Variants in ATPSCKMT observed in about 807,000 individuals in gnomAD.
The protein encoded by ATPSCKMT is ATP synthase subunit C lysine N-methyltransferase.
Under a neutral mutation model 24.3 loss-of-function variants are expected in ATPSCKMT, and 24 were observed. The observed-to-expected ratio is 0.99, with a 90% confidence interval of 0.71 to 1.39. The LOEUF is 1.39. ATPSCKMT is among the 40% of genes most tolerant of loss of function. The pLI, the probability that ATPSCKMT is intolerant of heterozygous loss-of-function variation, is 0.00. For synonymous variants in ATPSCKMT, 95 were observed against 110.5 expected (o/e 0.86, Z 0.88); for missense variants, 311 against 298.4 (o/e 1.04, Z -0.31).
At chr5:10,242,167 T>C (rs1213596023) in intron 1 of ATPSCKMT, among the ~76,000 whole-genome samples, 2 of 152,194 alleles carry the variant, frequency 1.3e-5, no homozygotes, top group South Asian at 2.1e-4. Flanking sequence ...GCTGTATTGA[T>C]AGACTCTTCC....
chr5:10,244,104 G>A (rs1271518565), intron 1 of ATPSCKMT, among the ~76,000 whole-genome samples: 2 of 152,174 alleles, frequency 1.3e-5, no homozygotes, highest in East Asian at 3.9e-4. Flanking sequence ...AGGGCCCAAG[G>A]AGATGGAGAG....
At chr5:10,235,135 G>A in intron 4 of ATPSCKMT, 76 bp downstream of exon 4, 1 of 1,346,204 alleles carries the variant, frequency 7.4e-7, no homozygotes, top group Non-Finnish European at 1.1e-6. Flanking sequence ...TCACACGGGT[G>A]AGTGGTGGTG....
chr5:10,234,354 C>A (rs1461684191), intron 4 of ATPSCKMT, among the ~76,000 whole-genome samples: 1 of 151,940 alleles, frequency 6.6e-6, no homozygotes, highest in Non-Finnish European at 1.5e-5. Context: ...TTTACAAAAG[C>A]ATTTCTAAAT....
chr5:10,247,023 A>C (rs148082515), intron 1 of ATPSCKMT, among the ~76,000 whole-genome samples: 1 of 152,224 alleles, frequency 6.6e-6, no homozygotes, highest in Non-Finnish European at 1.5e-5. Context: ...AGAGTGAGAG[A>C]CAAACAGGAA....
intron 3 of ATPSCKMT, chr5:10,236,263 G>A (rs1281020915): frequency 2.5e-6 from 1 of 407,564 alleles, no homozygotes; most frequent in Non-Finnish European, 4.2e-6. Context: ...TAAATTCTTG[G>A]AATTCACAAG....
At chr5:10,234,460 G>A (rs1744286875) in intron 4 of ATPSCKMT, among the ~76,000 whole-genome samples, 1 of 152,028 alleles carries the variant, frequency 6.6e-6, no homozygotes, top group Non-Finnish European at 1.5e-5. Flanking sequence ...AAAAATTTGG[G>A]TATTAATTAA....
At position 10,227,630 on chromosome 5, in the gene ATPSCKMT, C is replaced by A; in HGVS notation, c.513G>T (p.Lys171Asn). 1 of 1,614,212 alleles carries A rather than the reference C, an allele frequency of 6.2e-7. No individual in the cohort carries two copies. Among genetic ancestry groups the A allele is most frequent in the Non-Finnish European group, 8.5e-7 (1 of 1,180,044 alleles). ...CATCCTCAAGTTCACGTTCAAGTTT[C>A]TTCTCCAACTGCAGCATCTGTGGAG... ...GVPQMMLQLE[K>N]KLERELEDDA... Residue 171 changes from lysine to asparagine, a missense_variant, in exon 5 of 5, where the codon AAG becomes AAT. Transcript: ENST00000511437.
rs1041654182 is a variant in ATPSCKMT at position 10,227,661 on chromosome 5, C to T, written c.496-14G>A. 1 of 1,613,378 alleles carries T rather than the reference C, an allele frequency of 6.2e-7. No homozygotes were observed. Among genetic ancestry groups the T allele is most frequent in the Non-Finnish European group, 8.5e-7 (1 of 1,179,444 alleles). On this transcript the variant is annotated splice_polypyrimidine_tract_variant and intron_variant, in intron 4 of 4. Transcript: ENST00000511437. Reference sequence around the variant, plus strand: ...CAACTGCAGCATCTGTGGAGAGTAACAGCTATTATTTTAGTGAGCAGTGAG... The same window carrying T: ...CAACTGCAGCATCTGTGGAGAGTAATAGCTATTATTTTAGTGAGCAGTGAG...
intron 4 of ATPSCKMT, among the ~76,000 whole-genome samples, chr5:10,232,059 C>T (rs796393911): frequency 7.9e-5 from 12 of 152,174 alleles, no homozygotes; most frequent in African/African-American, 2.4e-4. Context: ...AACCATCAGC[C>T]GGACATGGTG....
chr5:10,227,478 C>G lies in ATPSCKMT; in HGVS notation c.665G>C (p.Cys222Ser). The G allele has an allele frequency of 6.2e-7, 1 of 1,614,178 alleles. No individual in the cohort carries two copies. The highest frequency in any genetic ancestry group is 2.2e-5 in the East Asian group (1 of 44,890). The change falls in exon 5 of 5, where the codon TGT becomes TCT. Residue 222 changes from cysteine to serine, a missense_variant. By Grantham distance (112) the Cys-to-Ser change is moderately radical. Coordinates refer to ENST00000511437, the MANE Select transcript of ATPSCKMT (RefSeq NM_199133.4). The part of the protein sequence containing the change: ...STFRGREKRP[C>S]TSMHFQLPIQ... ...GGGCAGCTGGAAATGCATCGATGTA[C>G]AGGGCCTCTTTTCACGGCCTCTAAA...
At chr5:10,249,621 A>T in intron 1 of ATPSCKMT, 2 of 549,238 alleles carry the variant, frequency 3.6e-6, no homozygotes, top group Non-Finnish European at 3.0e-6. Context: ...CACTTGCACT[A>T]AGTAGCCTAG....
chr5:10,231,455 C>A (rs543138732), intron 4 of ATPSCKMT, among the ~76,000 whole-genome samples: 32 of 152,194 alleles, frequency 2.1e-4, no homozygotes, highest in African/African-American at 7.0e-4. Flanking sequence ...AAGGCTCCTG[C>A]CCTTCCAAGG....
intron 2 of ATPSCKMT, among the ~76,000 whole-genome samples, chr5:10,238,499 C>T (rs1425325396): frequency 6.6e-6 from 1 of 152,156 alleles, no homozygotes; most frequent in African/African-American, 2.4e-5. Flanking sequence ...AAGGATGGTG[C>T]CACCCTGCCC....
At chr5:10,229,375 G>A (rs1231719823) in intron 4 of ATPSCKMT, among the ~76,000 whole-genome samples, 2 of 152,116 alleles carry the variant, frequency 1.3e-5, no homozygotes, top group East Asian at 1.9e-4. Flanking sequence ...TGAGCAGTGC[G>A]GTGTGTGGTC....
In ATPSCKMT at chr5:10,227,355, T is replaced by C. The variant is rs1193960608; in HGVS notation, c.*86A>G. ...TTTCTCATTCCAAACCAAAGACAAT[T>C]ATGCTCCTTTGCTAAGGACACAGCT... is the stretch of plus-strand genomic sequence containing the variant. On this transcript the variant is annotated 3_prime_UTR_variant, in exon 5 of 5. Coordinates refer to ENST00000511437, the MANE Select transcript of ATPSCKMT (RefSeq NM_199133.4). 2.9e-6 allele frequency: 4 copies of C among 1,395,800 alleles called. No individual in the cohort carries two copies. Among genetic ancestry groups the C allele is most frequent in the Non-Finnish European group, 4.0e-6 (4 of 1,003,092 alleles). The allele number at this position is 1,395,800 out of a possible 1,614,324, so 86.5% of individuals were successfully genotyped here.
chr5:10,247,926 T>G (rs549751562), intron 1 of ATPSCKMT, among the ~76,000 whole-genome samples: 18 of 152,278 alleles, frequency 1.2e-4, no homozygotes, highest in Non-Finnish European at 2.4e-4. Context: ...CTAATATTGG[T>G]TGAAAACTTC....
intron 1 of ATPSCKMT, 158 bp downstream of exon 1, chr5:10,249,700 C>T: frequency 2.5e-6 from 3 of 1,222,858 alleles, no homozygotes; most frequent in Non-Finnish European, 3.3e-6. Flanking sequence ...GCGCGGCGAC[C>T]AGGAGCTCTG....
chr5:10,227,991 C>T (rs555245056), intron 4 of ATPSCKMT, among the ~76,000 whole-genome samples: 2 of 152,292 alleles, frequency 1.3e-5, no homozygotes, highest in African/African-American at 4.8e-5. Flanking sequence ...TACCTAGTCT[C>T]ATATATTTAA....
At chr5:10,249,493 CA>C in intron 1 of ATPSCKMT, 1 of 280,540 alleles carries the variant, frequency 3.6e-6, no homozygotes, top group Non-Finnish European at 6.6e-6. Flanking sequence ...ACCCGAGGGA[CA>C]AAGAAGTTAA....
Sources: allele counts gnomAD v4.1 joint callset (sites outside exome capture counted in the v4.1 genomes callset), GRCh38; gene constraint gnomAD v4.1.1; transcripts MANE v1.5; gene names NCBI Gene and HGNC (gene_info 2026-07-23, HGNC 2026-07-21).